ZNF33A: variants seen among roughly 807,000 people sequenced by gnomAD.
ZNF33A encodes zinc finger protein 33A.
Under a neutral mutation model 15.9 loss-of-function variants are expected in ZNF33A, and 9 were observed. The observed-to-expected ratio is 0.57, with a 90% CI of 0.34 to 0.99. ZNF33A has a LOEUF of 0.99. Among genes scored for constraint, ZNF33A ranks in the 50% least tolerant of loss-of-function variants. The probability of loss-of-function intolerance (pLI) is 0.02; values close to 1 mark genes in which losing one functional copy is unlikely to be tolerated. For missense variants in ZNF33A, 843 were observed against 941.6 expected (o/e 0.90, Z 1.37); for synonymous variants, 294 against 324.2 (o/e 0.91, Z 1.00).
In ZNF33A at chr10:38,058,144, C is replaced by T; in HGVS notation, c.*1584C>T. ...TTAAATCCAAAGTAACCTGAAAAAACATTAGAGTAAAAATCATTGAAATTG... is the reference window on the plus strand; with the variant it reads ...TTAAATCCAAAGTAACCTGAAAAAATATTAGAGTAAAAATCATTGAAATTG... On this transcript the variant is annotated 3_prime_UTR_variant, in exon 5 of 5. Coordinates refer to ENST00000432900, the MANE Select transcript of ZNF33A (RefSeq NM_006954.2). 3.8e-6 allele frequency: 3 copies of T among 782,346 alleles called. No individual in the cohort carries two copies. Among genetic ancestry groups the T allele is most frequent in the Non-Finnish European group, 4.7e-6 (3 of 644,646 alleles). 48.5% of individuals were successfully genotyped at this position (782,346 alleles called of 1,614,324 possible). A position where few individuals can be genotyped will look rare whatever the true frequency, so the allele number is the denominator to read the frequency against.
intron 4 of ZNF33A, among the ~76,000 whole-genome samples, chr10:38,045,331 G>A (rs2135715536): frequency 6.6e-6 from 1 of 152,260 alleles, no homozygotes; most frequent in East Asian, 1.9e-4. Context: ...TGCTCTCTGA[G>A]TGTCTCTTTC....
chr10:38,061,342 A>G (rs376206142), downstream of ZNF33A, among the ~76,000 whole-genome samples: 1 of 152,262 alleles, frequency 6.6e-6, no homozygotes, highest in East Asian at 1.9e-4. Context: ...GAGTGTCAAG[A>G]TGCACATGCA....
At chr10:38,031,009 G>A (rs1422000631) in intron 4 of ZNF33A, among the ~76,000 whole-genome samples, 1 of 152,172 alleles carries the variant, frequency 6.6e-6, no homozygotes, top group African/African-American at 2.4e-5. Flanking sequence ...TAGTTACCAT[G>A]TGTGGCATCC....
intron 2 of ZNF33A, among the ~76,000 whole-genome samples, chr10:38,016,297 C>G (rs1055966622): frequency 6.6e-6 from 1 of 152,124 alleles, no homozygotes; most frequent in African/African-American, 2.4e-5. Flanking sequence ...TGATCAAATA[C>G]TTTGGAGACC....
At position 38,054,916 on chromosome 10, in the gene ZNF33A, C is replaced by T; in HGVS notation, c.792C>T (p.Phe264=). 6.2e-7 allele frequency: 1 copy of T among 1,613,896 alleles called. No individual in the cohort carries two copies. The highest frequency in any genetic ancestry group is 2.2e-5 in the East Asian group (1 of 44,848). The part of the protein sequence containing the change: ...RTLCDSSSLL[F]HQISPSRDNH... ...TGTGTGATAGTTCATCCCTCTTGTT[C>T]CATCAGATATCTCCGTCAAGGGACA... Residue 264 remains phenylalanine, a synonymous_variant, in exon 5 of 5, where the codon TTC becomes TTT. Transcript: ENST00000432900.
chr10:38,066,913 T>C (rs1413404890), downstream of ZNF33A, among the ~76,000 whole-genome samples: 8 of 152,030 alleles, frequency 5.3e-5, no homozygotes, highest in Non-Finnish European at 1.0e-4. Context: ...GCCTGGGTGA[T>C]AGAGTGAGAC....
At position 38,054,781 on chromosome 10, in the gene ZNF33A, T is replaced by C. The variant is rs760448749; in HGVS notation, c.657T>C (p.Phe219=). ...HEKIQTLEHN[F]EYSICQETLL... ...AGATTCAAACTTTAGAGCACAATTT[T>C]GAATACAGTATATGTCAGGAAACCC... The change falls in exon 5 of 5, where the codon TTT becomes TTC. Residue 219 remains phenylalanine (F), a synonymous_variant. Coordinates refer to ENST00000432900, the MANE Select transcript of ZNF33A (RefSeq NM_006954.2). 5 of 1,613,606 alleles carry C rather than the reference T, an allele frequency of 3.1e-6. No homozygotes were observed. Among genetic ancestry groups the C allele is most frequent in the Non-Finnish European group, 4.2e-6 (5 of 1,179,962 alleles).
At chr10:38,051,809 A>G (rs1192382170) in intron 4 of ZNF33A, among the ~76,000 whole-genome samples, 1 of 152,036 alleles carries the variant, frequency 6.6e-6, no homozygotes, top group Non-Finnish European at 1.5e-5. Context: ...TTTATTTTGC[A>G]CTGGCCCCAT....
intron 2 of ZNF33A, among the ~76,000 whole-genome samples, chr10:38,015,379 C>T (rs1393031253): frequency 6.6e-6 from 1 of 152,040 alleles, no homozygotes; most frequent in African/African-American, 2.4e-5. Context: ...GACCTTGGCT[C>T]ACTGCAACGT....
At chr10:38,038,240 C>T (rs1414748931) in intron 4 of ZNF33A, among the ~76,000 whole-genome samples, 2 of 152,106 alleles carry the variant, frequency 1.3e-5, no homozygotes, top group Non-Finnish European at 2.9e-5. Flanking sequence ...GCTGGGACTA[C>T]AGGCACATGC....
chr10:38,040,368 G>A (rs905085858), intron 4 of ZNF33A, among the ~76,000 whole-genome samples: 1 of 152,002 alleles, frequency 6.6e-6, no homozygotes, highest in African/African-American at 2.4e-5. Context: ...GTGCCCAGTT[G>A]TCCTAACCAT....
intron 1 of ZNF33A, 149 bp downstream of exon 1, chr10:38,010,932 AC>A: frequency 1.1e-6 from 1 of 949,676 alleles, no homozygotes; most frequent in East Asian, 2.6e-5. Flanking sequence ...CGTGTGGGCC[AC>A]GACGCTAGGC....
At chr10:38,027,287 TG>T (rs1252735665) in intron 4 of ZNF33A, among the ~76,000 whole-genome samples, 3 of 152,070 alleles carry the variant, frequency 2.0e-5, no homozygotes, top group South Asian at 2.1e-4. Flanking sequence ...CTGGAATTTT[TG>T]TGTGTGTGTG....
At chr10:38,049,720 T>C (rs1368502825) in intron 4 of ZNF33A, among the ~76,000 whole-genome samples, 2 of 151,960 alleles carry the variant, frequency 1.3e-5, no homozygotes, top group African/African-American at 2.4e-5. Context: ...CAAATCCATA[T>C]AGTAGAAGAA....
Position 38,018,396 on chromosome 10 carries a change from C to A in ZNF33A, c.250+1010C>A, listed in dbSNP as rs200574588. 5.3e-4 allele frequency among the ~76,000 whole-genome samples: 80 copies of A among 152,084 alleles called. 1 individual carries two copies. The East Asian group carries it at 0.011, about 22-fold the overall frequency. On this transcript the variant is annotated intron_variant, in intron 4 of 4. Coordinates refer to ENST00000432900, the MANE Select transcript of ZNF33A (RefSeq NM_006954.2). ...TGTGGTTGGTGGGTTTCAGGAATAACCAAAAAGTCACAGTGGCTGAAGGGA... is the reference window on the plus strand; with the variant it reads ...TGTGGTTGGTGGGTTTCAGGAATAAACAAAAAGTCACAGTGGCTGAAGGGA...
chr10:38,064,386 C>T (rs566225775), downstream of ZNF33A: 281 of 414,828 alleles, frequency 6.8e-4, 2 homozygotes, highest in African/African-American at 3.3e-3. Context: ...TGAGGCTTCT[C>T]GTGTCCTTGG....
downstream of ZNF33A, among the ~76,000 whole-genome samples, chr10:38,060,919 C>T (rs890693789): frequency 2.0e-5 from 3 of 152,098 alleles, no homozygotes; most frequent in African/African-American, 7.2e-5. Flanking sequence ...AGTGCTCACC[C>T]ATTGGCTGTA....
rs534232449 is a variant in ZNF33A at position 38,055,088 on chromosome 10, G to C, written c.964G>C (p.Gly322Arg). The C allele has an allele frequency of 1.3e-5, 21 of 1,613,984 alleles. No individual in the cohort carries two copies. The highest frequency in any genetic ancestry group is 2.7e-5 in the African/African-American group (2 of 74,922). The change falls in exon 5 of 5, where the codon GGT (glycine) becomes CGT (arginine). Residue 322 changes from glycine to arginine, a missense_variant. Gly to Arg is a moderately radical substitution (Grantham distance 125, BLOSUM62 -2). Coordinates refer to ENST00000432900, the MANE Select transcript of ZNF33A (RefSeq NM_006954.2). Reference sequence around the variant, plus strand: ...ATTGTGTCTGTCACACCTTCAGAAAGGTGATAAAGGAGAGAAACACTTTGA... The same window carrying C: ...ATTGTGTCTGTCACACCTTCAGAAACGTGATAAAGGAGAGAAACACTTTGA... ...RKLCLSHLQK[G>R]DKGEKHFECN...
At chr10:38,046,510 A>T (rs1482898566) in intron 4 of ZNF33A, among the ~76,000 whole-genome samples, 2 of 152,190 alleles carry the variant, frequency 1.3e-5, no homozygotes, top group African/African-American at 2.4e-5. Context: ...AAAGTGTCAC[A>T]TTGTTTCCAA....
Sources: gnomAD v4.1 joint callset for allele counts (sites outside exome capture counted in the v4.1 genomes callset) on GRCh38, gnomAD v4.1.1 for gene constraint, MANE v1.5 for transcripts, NCBI Gene and HGNC (gene_info 2026-07-23, HGNC 2026-07-21) for gene names.